Variants in TMEM132E observed in about 807,000 individuals in gnomAD.
TMEM132E encodes transmembrane protein 132E.
TMEM132E carries 49 observed loss-of-function variants against 78.5 expected under a neutral mutation model. The observed-to-expected ratio is 0.62, with a 90% CI of 0.50 to 0.79. TMEM132E has a LOEUF of 0.79. Among genes scored for constraint, TMEM132E ranks in the 30% least tolerant of loss-of-function variants. The probability of loss-of-function intolerance (pLI) is 0.00; values close to 1 mark genes in which losing one functional copy is unlikely to be tolerated. For synonymous variants in TMEM132E, 715 were observed against 670.6 expected (o/e 1.07, Z -1.02); for missense variants, 1,403 against 1,470.9 (o/e 0.95, Z 0.75).
intron 1 of TMEM132E, among the ~76,000 whole-genome samples, chr17:34,613,785 T>TG (rs369585475): frequency 6.6e-6 from 1 of 152,026 alleles, no homozygotes; most frequent in African/African-American, 2.4e-5. Context: ...CTCCAGGCCC[T>TG]GGGGGGTTGG....
intron 4 of TMEM132E, 91 bp from the exon 5 acceptor site, chr17:34,629,917 G>GGC (rs1907295208): frequency 6.4e-6 from 9 of 1,411,002 alleles, no homozygotes; most frequent in Non-Finnish European, 8.5e-6. Context: ...TGAGGAGTGG[G>GGC]GGGGGAGCGT....
intron 1 of TMEM132E, among the ~76,000 whole-genome samples, chr17:34,616,472 T>C (rs1012955096): frequency 1.3e-5 from 2 of 152,234 alleles, no homozygotes; most frequent in Admixed American, 6.5e-5. Flanking sequence ...TCAGTGATTA[T>C]GTATTCCCCG....
chr17:34,632,618 C>G, intron 5 of TMEM132E, 86 bp from the exon 6 acceptor site: 1 of 1,435,154 alleles, frequency 7.0e-7, no homozygotes, highest in Non-Finnish European at 9.8e-7. Context: ...TTCCCTCCAG[C>G]CCTGGTTGTC....
At chr17:34,619,333 A>G (rs1233169680) in intron 1 of TMEM132E, among the ~76,000 whole-genome samples, 3 of 151,496 alleles carry the variant, frequency 2.0e-5, no homozygotes, top group Non-Finnish European at 2.9e-5. Flanking sequence ...CCTCTTCAGC[A>G]TCTTCACCAG....
intron 1 of TMEM132E, among the ~76,000 whole-genome samples, chr17:34,597,844 T>C (rs535362634): frequency 3.9e-5 from 6 of 152,268 alleles, no homozygotes; most frequent in African/African-American, 1.2e-4. Flanking sequence ...TGCCATCTCC[T>C]GGTCACTGGG....
At chr17:34,603,834 C>A (rs1906320330) in intron 1 of TMEM132E, among the ~76,000 whole-genome samples, 1 of 152,206 alleles carries the variant, frequency 6.6e-6, no homozygotes, top group Non-Finnish European at 1.5e-5. Context: ...CTGCAGCTGA[C>A]CACTCGTCCA....
chr17:34,618,243 T>G (rs1349048026), intron 1 of TMEM132E, among the ~76,000 whole-genome samples: 1 of 152,178 alleles, frequency 6.6e-6, no homozygotes, highest in Non-Finnish European at 1.5e-5. Context: ...TTGTTTTTTG[T>G]TTGTTTGTTT....
chr17:34,581,813 T>A (rs1367967918), intron 1 of TMEM132E, among the ~76,000 whole-genome samples: 1 of 149,994 alleles, frequency 6.7e-6, no homozygotes, highest in East Asian at 2.0e-4. Context: ...CATTCTGCAA[T>A]CTGTTGCGTC....
intron 1 of TMEM132E, among the ~76,000 whole-genome samples, chr17:34,608,304 C>A (rs753220236): frequency 6.6e-6 from 1 of 152,206 alleles, no homozygotes; most frequent in African/African-American, 2.4e-5. Context: ...TTCCCCAGGA[C>A]GCTCTGCAGA....
chr17:34,626,487 A>C lies in TMEM132E; in HGVS notation c.428A>C (p.Gln143Pro). Residue 143 changes from glutamine (Q) to proline (P), a missense_variant, in exon 2 of 9, where the codon CAG (glutamine) becomes CCG (proline). Physicochemically the swap from Gln to Pro is moderately conservative, Grantham distance 76. This residue lies in a region of TMEM132E where 511 missense variants were observed against 499.0 expected (regional missense o/e 1.02). Coordinates refer to ENST00000631683, the MANE Select transcript of TMEM132E (RefSeq NM_001304438.2). The stretch of plus-strand genomic sequence containing the variant: ...GTGCCCGCCTCGCAGCCCGTGGTCC[A>C]GGTGCTGTTCTACGTAGCCGGCCGG... ...SHVPASQPVV[Q>P]VLFYVAGRDW... 6.2e-7 allele frequency: 1 copy of C among 1,612,284 alleles called. No homozygotes were observed. The highest frequency in any genetic ancestry group is 8.5e-7 in the Non-Finnish European group (1 of 1,179,778).
At position 34,629,989 on chromosome 17, in the gene TMEM132E, C is replaced by A; in HGVS notation, c.1339-19C>A. On this transcript the variant is annotated intron_variant, in intron 4 of 8. Coordinates refer to ENST00000631683, the MANE Select transcript of TMEM132E (RefSeq NM_001304438.2). ...AGAAGGGGACCACAAGTAGAGCCCC[C>A]CCCTTCTCCTCCCTGCAGGACACAG... 6.3e-7 allele frequency: 1 copy of A among 1,588,912 alleles called. No individual in the cohort carries two copies.
At chr17:34,585,384 C>G (rs557579119) in intron 1 of TMEM132E, among the ~76,000 whole-genome samples, 1 of 152,190 alleles carries the variant, frequency 6.6e-6, no homozygotes, top group African/African-American at 2.4e-5. Context: ...AACTGAAACC[C>G]TGAGAGGCAC....
intron 2 of TMEM132E, 145 bp from the exon 3 acceptor site, chr17:34,628,418 A>G: frequency 1.1e-6 from 1 of 945,142 alleles, no homozygotes; most frequent in African/African-American, 1.8e-5. Context: ...TTCATCTGAA[A>G]CATTCATCTG....
chr17:34,601,141 G>A (rs752367116), intron 1 of TMEM132E, among the ~76,000 whole-genome samples: 6 of 152,172 alleles, frequency 3.9e-5, no homozygotes, highest in Non-Finnish European at 5.9e-5. Flanking sequence ...TTTGATTCTT[G>A]CCACATCCCC....
chr17:34,633,366 G>A (rs1233074037), intron 6 of TMEM132E, among the ~76,000 whole-genome samples: 2 of 152,258 alleles, frequency 1.3e-5, no homozygotes, highest in Non-Finnish European at 2.9e-5. Context: ...ACAAAATGAA[G>A]CAGACACACC....
At chr17:34,617,468 C>G (rs1906820551) in intron 1 of TMEM132E, among the ~76,000 whole-genome samples, 1 of 152,210 alleles carries the variant, frequency 6.6e-6, no homozygotes, top group Non-Finnish European at 1.5e-5. Flanking sequence ...TGAGCACTTC[C>G]CTCCTCTCAG....
chr17:34,631,219 G>A (rs1330047852), intron 5 of TMEM132E, among the ~76,000 whole-genome samples: 4 of 152,266 alleles, frequency 2.6e-5, no homozygotes, highest in South Asian at 4.1e-4. Flanking sequence ...AGTCTGGGAA[G>A]CATGGGGCTC....
chr17:34,585,392 C>T (rs1158645839), intron 1 of TMEM132E, among the ~76,000 whole-genome samples: 1 of 152,188 alleles, frequency 6.6e-6, no homozygotes, highest in African/African-American at 2.4e-5. Context: ...CCCTGAGAGG[C>T]ACCAACTCCC....
intron 4 of TMEM132E, 105 bp downstream of exon 4, chr17:34,629,309 T>C: frequency 7.9e-7 from 1 of 1,268,388 alleles, no homozygotes; most frequent in East Asian, 2.7e-5. Flanking sequence ...AATTGACATG[T>C]GTGTATATGT....
Sources: gnomAD v4.1 joint callset for allele counts (sites outside exome capture counted in the v4.1 genomes callset) on GRCh38, gnomAD v4.1.1 for gene constraint, gnomAD v4.1.1 regional missense constraint, MANE v1.5 for transcripts, NCBI Gene and HGNC (gene_info 2026-07-23, HGNC 2026-07-21) for gene names.